IPO7: variants seen among roughly 807,000 people sequenced by gnomAD.
IPO7 encodes importin 7.
Under a neutral mutation model 136.4 loss-of-function variants are expected in IPO7, and 13 were observed. The observed-to-expected ratio is 0.10, with a 90% confidence interval of 0.06 to 0.15. The LOEUF (loss-of-function observed/expected upper bound fraction) is 0.15, where lower values mean the gene tolerates loss of function less well. IPO7 is among the 10% of genes least tolerant of loss of function. The probability of loss-of-function intolerance (pLI) is 1.00; values close to 1 mark genes in which losing one functional copy is unlikely to be tolerated. For missense variants in IPO7, 857 were observed against 1,240.6 expected (o/e 0.69, Z 4.65); for synonymous variants, 403 against 404.4 (o/e 1.00, Z 0.04).
chr11:9,404,194 A>G (rs1029401925), intron 2 of IPO7, among the ~76,000 whole-genome samples: 18 of 152,188 alleles, frequency 1.2e-4, no homozygotes, highest in Non-Finnish European at 2.1e-4. Flanking sequence ...GGCTGGGTGC[A>G]GTGGCTCACG....
intron 6 of IPO7, 112 bp from the exon 7 acceptor site, chr11:9,420,299 A>G: frequency 3.0e-6 from 2 of 676,394 alleles, no homozygotes; most frequent in Non-Finnish European, 5.0e-6. Flanking sequence ...CATCTCAAAA[A>G]AAAAAAGGCC....
At chr11:9,414,619 CTTT>C (rs1164303193) in intron 5 of IPO7, 105 of 71,316 alleles carry the variant, frequency 1.5e-3, no homozygotes, top group South Asian at 0.01. Context: ...CCTAATGAAT[CTTT>C]TTTTTTTTTT....
chr11:9,442,062 T>C lies in IPO7; in HGVS notation c.2903-19T>C. On this transcript the variant is annotated intron_variant, in intron 23 of 24. Coordinates refer to ENST00000379719, the MANE Select transcript of IPO7 (RefSeq NM_006391.3). Reference sequence around the variant, plus strand: ...TCTCTTATTCATGTTGTTTTTCCCTTGTTTTTATTTTTTGATAGCTATTCA... The same window carrying C: ...TCTCTTATTCATGTTGTTTTTCCCTCGTTTTTATTTTTTGATAGCTATTCA... The C allele has an allele frequency of 8.2e-7, 1 of 1,213,072 alleles. No homozygotes were observed. Among genetic ancestry groups the C allele is most frequent in the Non-Finnish European group, 1.2e-6 (1 of 816,206 alleles). The allele number at this position is 1,213,072 out of a possible 1,614,324, so 75.1% of individuals were successfully genotyped here. A position where few individuals can be genotyped will look rare whatever the true frequency, so the allele number is the denominator to read the frequency against.
intron 4 of IPO7, among the ~76,000 whole-genome samples, chr11:9,411,371 C>T (rs1316490071): frequency 6.6e-6 from 1 of 152,140 alleles, no homozygotes; most frequent in Non-Finnish European, 1.5e-5. Flanking sequence ...AGCATAGATC[C>T]TCAGGAAATG....
Position 9,433,322 on chromosome 11 carries a change from G to A in IPO7, c.1882-248G>A. ...TTTCATAGTTGTTTGCATTTTTCGAGAATGTTGTTTTTTCCTTTTTAGGTA... is the reference window on the plus strand; with the variant it reads ...TTTCATAGTTGTTTGCATTTTTCGAAAATGTTGTTTTTTCCTTTTTAGGTA... On this transcript the variant is annotated intron_variant, in intron 16 of 24. Transcript: ENST00000379719. 4.2e-6 allele frequency: 2 copies of A among 472,654 alleles called. 1 individual carries two copies. Among genetic ancestry groups the A allele is most frequent in the South Asian group, 5.9e-5 (2 of 33,908 alleles). The allele number at this position is 472,654 out of a possible 1,614,324, so 29.3% of individuals were successfully genotyped here.
intron 1 of IPO7, among the ~76,000 whole-genome samples, chr11:9,395,882 A>G (rs1854701163): frequency 6.6e-6 from 1 of 150,390 alleles, no homozygotes; most frequent in African/African-American, 2.4e-5. Flanking sequence ...ACGTCTGGCT[A>G]ATTTTTGTAT....
chr11:9,401,540 G>A (rs1189329941), intron 1 of IPO7, among the ~76,000 whole-genome samples: 6 of 138,546 alleles, frequency 4.3e-5, no homozygotes, highest in Non-Finnish European at 9.3e-5. Flanking sequence ...AACAACAATG[G>A]CAACAAAGCA....
intron 1 of IPO7, among the ~76,000 whole-genome samples, chr11:9,388,885 C>A (rs1342315607): frequency 1.3e-5 from 2 of 152,066 alleles, no homozygotes; most frequent in African/African-American, 4.8e-5. Flanking sequence ...CTTAACTTTT[C>A]TTCTCCCCAC....
At chr11:9,384,964 G>T (rs1159601034) in intron 1 of IPO7, 117 bp downstream of exon 1, 2 of 746,218 alleles carry the variant, frequency 2.7e-6, no homozygotes, top group South Asian at 1.8e-5. Context: ...CAGCAGGAGG[G>T]TGGGGCGGAC....
intron 6 of IPO7, among the ~76,000 whole-genome samples, chr11:9,419,134 G>A (rs1453402143): frequency 4.6e-5 from 7 of 152,142 alleles, no homozygotes; most frequent in Non-Finnish European, 1.0e-4. Context: ...TGGGTCATAA[G>A]GTAGGTGTAT....
intron 4 of IPO7, among the ~76,000 whole-genome samples, chr11:9,412,830 CAA>C (rs71062848): frequency 1.4e-5 from 2 of 146,842 alleles, no homozygotes; most frequent in Admixed American, 6.8e-5. Context: ...GCACTTTCTC[CAA>C]AAAAAAAAGG....
intron 12 of IPO7, 53 bp from the exon 13 acceptor site, chr11:9,428,487 T>G: frequency 4.0e-6 from 3 of 742,948 alleles, no homozygotes; most frequent in Non-Finnish European, 6.9e-6. Context: ...GTTTGGAAAT[T>G]GAGATGATTA....
intron 23 of IPO7, 45 bp from the exon 24 acceptor site, chr11:9,442,036 C>G (rs1267540641): frequency 1.1e-6 from 1 of 894,554 alleles, no homozygotes; most frequent in Non-Finnish European, 1.9e-6. Flanking sequence ...GCTACCAAGC[C>G]TCTCTTATTC....
At chr11:9,396,033 C>CT (rs1200045394) in intron 1 of IPO7, among the ~76,000 whole-genome samples, 1 of 151,868 alleles carries the variant, frequency 6.6e-6, no homozygotes, top group Non-Finnish European at 1.5e-5. Flanking sequence ...GAAAGTTATG[C>CT]TTTTTTTCAT....
chr11:9,419,984 T>C (rs1408749248), intron 6 of IPO7, among the ~76,000 whole-genome samples: 3 of 152,174 alleles, frequency 2.0e-5, no homozygotes, highest in Non-Finnish European at 4.4e-5. Context: ...GCCTCTTTGA[T>C]TTAAATAGGG....
chr11:9,399,092 A>C (rs1854756096), intron 1 of IPO7, among the ~76,000 whole-genome samples: 1 of 152,094 alleles, frequency 6.6e-6, no homozygotes, highest in South Asian at 2.1e-4. Context: ...GATTGGGGGC[A>C]CAAATAGTTA....
At chr11:9,386,074 A>G (rs1319413258) in intron 1 of IPO7, among the ~76,000 whole-genome samples, 1 of 152,266 alleles carries the variant, frequency 6.6e-6, no homozygotes, top group African/African-American at 2.4e-5. Flanking sequence ...CTTACCAGAA[A>G]CAGCAGAAAT....
At chr11:9,416,920 G>A (rs188529229) in intron 5 of IPO7, 139 bp from the exon 6 acceptor site, 21 of 457,316 alleles carry the variant, frequency 4.6e-5, no homozygotes, top group Middle Eastern at 3.6e-4. Context: ...TAGATAACAA[G>A]CAAAGAAGTT....
chr11:9,390,184 C>T (rs2133716795), intron 1 of IPO7, among the ~76,000 whole-genome samples: 1 of 152,336 alleles, frequency 6.6e-6, no homozygotes, highest in East Asian at 1.9e-4. Flanking sequence ...AGCCACCGTG[C>T]CCGGCCTAAT....
Sources: allele counts gnomAD v4.1 joint callset (sites outside exome capture counted in the v4.1 genomes callset), GRCh38; gene constraint gnomAD v4.1.1; transcripts MANE v1.5; gene names NCBI Gene and HGNC (gene_info 2026-07-23, HGNC 2026-07-21).